EXOC6B: variants seen among roughly 807,000 people sequenced by gnomAD.
EXOC6B encodes exocyst complex component 6B.
A neutral mutation model predicts 113.5 loss-of-function variants in EXOC6B; 54 were observed. The ratio of observed to expected loss-of-function variants is 0.48; its 90% CI spans 0.38 to 0.60. EXOC6B has a LOEUF of 0.60. EXOC6B is among the 20% of genes least tolerant of loss of function. The pLI is 0.00. For synonymous variants in EXOC6B, 357 were observed against 339.0 expected, an observed-to-expected ratio of 1.05 and a Z score of -0.58; for missense variants, 797 against 977.5, an observed-to-expected ratio of 0.82 and a Z score of 2.46.
intron 1 of EXOC6B, among the ~76,000 whole-genome samples, chr2:72,812,020 C>G (rs990185103): frequency 5.9e-5 from 9 of 152,168 alleles, no homozygotes; most frequent in South Asian, 4.1e-4. Flanking sequence ...CCAGTCTTAG[C>G]ATAGTCCTAG....
intron 20 of EXOC6B, among the ~76,000 whole-genome samples, chr2:72,274,116 T>G (rs1684671382): frequency 6.6e-6 from 1 of 152,150 alleles, no homozygotes; most frequent in African/African-American, 2.4e-5. Flanking sequence ...ACAAATAAAC[T>G]ATGATGCTTC....
intron 19 of EXOC6B, among the ~76,000 whole-genome samples, chr2:72,376,859 C>T (rs1018448255): frequency 1.3e-5 from 2 of 151,628 alleles, no homozygotes; most frequent in Non-Finnish European, 2.9e-5. Context: ...TTGTTTTTTT[C>T]TTCCTCATCC....
intron 20 of EXOC6B, among the ~76,000 whole-genome samples, chr2:72,302,715 G>T (rs913458343): frequency 1.3e-5 from 2 of 152,016 alleles, no homozygotes; most frequent in Non-Finnish European, 1.5e-5. Flanking sequence ...GAGCCTATGG[G>T]TGTCACTGTG....
Position 72,513,181 on chromosome 2 carries a change from A to G in EXOC6B, c.1118T>C (p.Leu373Pro). Reference protein sequence around the residue: ...GLVNRAYIDELWEMALSKTIA... With the variant: ...GLVNRAYIDEPWEMALSKTIA... ...GGTTTTTGAAAGTGCCATTTCCCACAGTTCATCAATGTAGGCTCTATTTAC... is the reference window on the plus strand; with the variant it reads ...GGTTTTTGAAAGTGCCATTTCCCACGGTTCATCAATGTAGGCTCTATTTAC... Residue 373 changes from leucine (L) to proline (P), a missense_variant, in exon 11 of 22, where the codon CTG (leucine) becomes CCG (proline). Transcript: ENST00000272427. The G allele has an allele frequency of 6.2e-7, 1 of 1,613,450 alleles. No homozygotes were observed. Among genetic ancestry groups the G allele is most frequent in the Non-Finnish European group, 8.5e-7 (1 of 1,179,488 alleles).
intron 19 of EXOC6B, among the ~76,000 whole-genome samples, chr2:72,350,251 T>C (rs896526288): frequency 2.0e-5 from 3 of 152,230 alleles, no homozygotes; most frequent in African/African-American, 7.2e-5. Flanking sequence ...TAAAACATTA[T>C]GCATATCTTT....
At chr2:72,603,819 G>C (rs1670585839) in intron 6 of EXOC6B, among the ~76,000 whole-genome samples, 1 of 151,984 alleles carries the variant, frequency 6.6e-6, no homozygotes, top group Non-Finnish European at 1.5e-5. Context: ...TTTATATCTT[G>C]GCTCAAACAC....
intron 20 of EXOC6B, among the ~76,000 whole-genome samples, chr2:72,194,521 C>T (rs575084769): frequency 2.7e-4 from 41 of 151,398 alleles, no homozygotes; most frequent in Non-Finnish European, 4.1e-4. Context: ...CCCTCAATCC[C>T]GGTCTTTAGA....
chr2:72,243,775 GA>G (rs1234900025), intron 20 of EXOC6B, among the ~76,000 whole-genome samples: 1 of 151,734 alleles, frequency 6.6e-6, no homozygotes, highest in Non-Finnish European at 1.5e-5. Context: ...GAACAAAAAC[GA>G]AAAAACAAAA....
At chr2:72,214,385 G>A (rs1405495428) in intron 20 of EXOC6B, among the ~76,000 whole-genome samples, 1 of 151,866 alleles carries the variant, frequency 6.6e-6, no homozygotes, top group African/African-American at 2.4e-5. Context: ...CAGCTACTCG[G>A]GAGGCTGAGG....
intron 16 of EXOC6B, among the ~76,000 whole-genome samples, chr2:72,489,625 G>A (rs1699629936): frequency 6.6e-6 from 1 of 152,122 alleles, no homozygotes; most frequent in African/African-American, 2.4e-5. Flanking sequence ...ATTTGCCCAA[G>A]GGCACAGCTA....
At chr2:72,380,108 G>C (rs895153103) in intron 18 of EXOC6B, among the ~76,000 whole-genome samples, 1 of 152,060 alleles carries the variant, frequency 6.6e-6, no homozygotes, top group African/African-American at 2.4e-5. Flanking sequence ...AATTCACAAA[G>C]CCCAGTTATT....
intron 12 of EXOC6B, 83 bp downstream of exon 12, chr2:72,499,818 G>A: frequency 1.1e-6 from 1 of 938,786 alleles, no homozygotes; most frequent in Non-Finnish European, 1.7e-6. Flanking sequence ...ACAGGCAAAA[G>A]CCACCAGACC....
chr2:72,449,683 T>A (rs1034017873), intron 18 of EXOC6B, among the ~76,000 whole-genome samples: 11 of 152,298 alleles, frequency 7.2e-5, no homozygotes, highest in African/African-American at 2.4e-4. Flanking sequence ...AAGTTTAATG[T>A]CTAATATGCT....
chr2:72,606,345 T>TAC (rs1670752311), intron 6 of EXOC6B, among the ~76,000 whole-genome samples: 1 of 151,958 alleles, frequency 6.6e-6, no homozygotes, highest in Admixed American at 6.6e-5. Flanking sequence ...AGTTAACAAG[T>TAC]ACACACACAC....
chr2:72,300,536 T>G (rs1214127161), intron 20 of EXOC6B, among the ~76,000 whole-genome samples: 1 of 152,208 alleles, frequency 6.6e-6, no homozygotes, highest in Non-Finnish European at 1.5e-5. Flanking sequence ...TGAATGGTTC[T>G]GTCTCGCTAG....
chr2:72,261,861 C>G (rs566235486), intron 20 of EXOC6B, among the ~76,000 whole-genome samples: 2 of 152,116 alleles, frequency 1.3e-5, no homozygotes, highest in Admixed American at 1.3e-4. Context: ...ACTTTAGCAG[C>G]GTCCTCCTTC....
chr2:72,456,770 T>G (rs748986481), intron 18 of EXOC6B, among the ~76,000 whole-genome samples: 2 of 152,118 alleles, frequency 1.3e-5, no homozygotes, highest in Non-Finnish European at 2.9e-5. Context: ...GCAGATGCTT[T>G]AATTACCATT....
At chr2:72,315,774 A>G (rs181677371) in intron 20 of EXOC6B, among the ~76,000 whole-genome samples, 12 of 152,248 alleles carry the variant, frequency 7.9e-5, no homozygotes, top group Admixed American at 7.2e-4. Context: ...TGTAAAAGGA[A>G]TAGGTTTTTA....
intron 19 of EXOC6B, among the ~76,000 whole-genome samples, chr2:72,369,759 G>A (rs1409088463): frequency 2.0e-5 from 3 of 152,142 alleles, no homozygotes; most frequent in Non-Finnish European, 4.4e-5. Flanking sequence ...CAAGAAATGG[G>A]GAAAGGATTC....
Sources: gnomAD v4.1 joint callset for allele counts (sites outside exome capture counted in the v4.1 genomes callset) on GRCh38, gnomAD v4.1.1 for gene constraint, MANE v1.5 for transcripts, NCBI Gene and HGNC (gene_info 2026-07-23, HGNC 2026-07-21) for gene names.